The following SRPK2 variants were observed in gnomAD, a reference collection of about 807,000 sequenced individuals.
SRPK2 encodes the protein SFRS protein kinase 2.
Under a neutral mutation model 90.8 loss-of-function variants are expected in SRPK2, and 21 were observed. The ratio of observed to expected loss-of-function variants is 0.23; its 90% confidence interval spans 0.16 to 0.33. SRPK2 has a LOEUF of 0.33. Ranked by LOEUF, SRPK2 falls within the 10% of genes least tolerant of loss-of-function variation. The pLI is 1.00. For synonymous variants in SRPK2, 288 were observed against 311.1 expected, an observed-to-expected ratio of 0.93 and a Z score of 0.78; for missense variants, 620 against 869.0, an observed-to-expected ratio of 0.71 and a Z score of 3.60.
intron 2 of SRPK2, among the ~76,000 whole-genome samples, chr7:105,339,518 A>G (rs1177592969): frequency 6.6e-6 from 1 of 152,240 alleles, no homozygotes; most frequent in Non-Finnish European, 1.5e-5. Context: ...TGAGATATCC[A>G]GAAGAATTCA....
intron 2 of SRPK2, chr7:105,302,013 A>G (rs1450987777): frequency 9.4e-6 from 15 of 1,589,588 alleles, no homozygotes; most frequent in Middle Eastern, 4.5e-4. Context: ...CACAAAGGAG[A>G]ACTTCCTCGA....
At chr7:105,297,460 T>C (rs1056873295) in intron 2 of SRPK2, 1 of 985,428 alleles carries the variant, frequency 1.0e-6, no homozygotes, top group South Asian at 4.7e-5. Context: ...CACATTGGCT[T>C]TCCCTGATAT....
At chr7:105,254,784 T>A (rs778561793) in intron 2 of SRPK2, among the ~76,000 whole-genome samples, 10 of 151,988 alleles carry the variant, frequency 6.6e-5, no homozygotes, top group Non-Finnish European at 1.5e-4. Flanking sequence ...TTGCCTACTG[T>A]GTTCAAACAA....
intron 3 of SRPK2, among the ~76,000 whole-genome samples, chr7:105,179,319 A>G (rs1337713841): frequency 1.3e-5 from 2 of 152,208 alleles, no homozygotes; most frequent in East Asian, 3.8e-4. Context: ...ACCTGGGTAT[A>G]TATTATGTGC....
Position 105,187,342 on chromosome 7 carries a change from G to GTCACA in SRPK2, c.229+16281_229+16285dup, listed in dbSNP as rs528988384. ...TCTGCCTAGAAATATGCCCAGATAT[G>GTCACA]TCACACTAAAATAAATGCTTTTTCT... On this transcript the variant is annotated intron_variant, in intron 3 of 15. Coordinates refer to ENST00000393651, the MANE Select transcript of SRPK2 (RefSeq NM_182692.3). 3.3e-4 allele frequency among the ~76,000 whole-genome samples: 50 copies of GTCACA among 152,224 alleles called. No individual in the cohort carries two copies. In the South Asian group the frequency reaches 0.01, roughly 32 times the overall value.
chr7:105,335,012 T>C (rs983409855), intron 2 of SRPK2, among the ~76,000 whole-genome samples: 1 of 149,886 alleles, frequency 6.7e-6, no homozygotes, highest in Non-Finnish European at 1.5e-5. Flanking sequence ...CTACTACAAA[T>C]ACAAAAAAAT....
chr7:105,233,292 T>C (rs745533975), intron 2 of SRPK2, among the ~76,000 whole-genome samples: 2 of 152,166 alleles, frequency 1.3e-5, no homozygotes, highest in Non-Finnish European at 2.9e-5. Context: ...AGAATGCAGA[T>C]ACAATTCAAT....
chr7:105,177,933 G>A (rs1320384780), intron 3 of SRPK2, among the ~76,000 whole-genome samples: 1 of 151,730 alleles, frequency 6.6e-6, no homozygotes, highest in Admixed American at 6.6e-5. Flanking sequence ...GGAGGCTGAG[G>A]CAGGAGAACG....
intron 2 of SRPK2, among the ~76,000 whole-genome samples, chr7:105,386,209 G>A (rs1432802606): frequency 6.6e-6 from 1 of 151,890 alleles, no homozygotes; most frequent in Non-Finnish European, 1.5e-5. Flanking sequence ...AGCTACTCAG[G>A]AGGCTGAGGC....
chr7:105,220,935 G>C (rs1798021697), intron 2 of SRPK2, among the ~76,000 whole-genome samples: 1 of 151,846 alleles, frequency 6.6e-6, no homozygotes, highest in African/African-American at 2.4e-5. Context: ...ATAATTTTTT[G>C]GTACTGGAGG....
intron 2 of SRPK2, among the ~76,000 whole-genome samples, chr7:105,382,641 A>T (rs1003635845): frequency 6.6e-6 from 1 of 152,156 alleles, no homozygotes; most frequent in Non-Finnish European, 1.5e-5. Context: ...GCTGCATGAA[A>T]AAAGGCGAAT....
intron 3 of SRPK2, among the ~76,000 whole-genome samples, chr7:105,197,793 T>C (rs1276815664): frequency 6.6e-6 from 1 of 152,148 alleles, no homozygotes; most frequent in Non-Finnish European, 1.5e-5. Flanking sequence ...AAATGACATG[T>C]TTTCATACCA....
intron 2 of SRPK2, among the ~76,000 whole-genome samples, chr7:105,386,991 T>C (rs1387678347): frequency 6.6e-6 from 1 of 152,182 alleles, no homozygotes; most frequent in African/African-American, 2.4e-5. Flanking sequence ...AAATCCAAAC[T>C]GCGGCCCACC....
In SRPK2 at chr7:105,119,882, A is replaced by G. The variant is rs1584845041; in HGVS notation, c.1916-1860T>C. ...GTAATAGTAAAATGGTGGTTAAAAG[A>G]AAACCAAGGTAGATTCACTTAATAG... On this transcript the variant is annotated intron_variant, in intron 15 of 15. Transcript: ENST00000393651. Among the ~76,000 whole-genome samples, 6 of 152,362 alleles carry G rather than the reference A, an allele frequency of 3.9e-5. No individual in the cohort carries two copies. The South Asian group carries it at 8.3e-4, about 21-fold the overall frequency.
Position 105,203,700 on chromosome 7 carries a change from G to A in SRPK2, c.157C>T (p.Pro53Ser), listed in dbSNP as rs748330120. 2 of 1,597,180 alleles carry A rather than the reference G, an allele frequency of 1.3e-6. No individual in the cohort carries two copies. Among genetic ancestry groups the A allele is most frequent in the Non-Finnish European group, 8.5e-7 (1 of 1,172,550 alleles). Residue 53 changes from proline (P) to serine (S), a missense_variant, in exon 3 of 16, where the codon CCC (proline) becomes TCC (serine). Around this residue, in one of 8 missense-constraint regions of SRPK2, gnomAD observed 196 missense variants for 339.2 expected, o/e 0.58. Coordinates refer to ENST00000393651, the MANE Select transcript of SRPK2 (RefSeq NM_182692.3). ...PPPPPLPDPT[P>S]PEPEEEILGS... ...AGGATCTCCTCCTCTGGCTCCGGGG[G>A]TGTGGGGTCTGGCAAAGGTGGCGGT...
At chr7:105,148,299 G>C (rs1391025344) in intron 7 of SRPK2, among the ~76,000 whole-genome samples, 2 of 152,166 alleles carry the variant, frequency 1.3e-5, no homozygotes, top group African/African-American at 4.8e-5. Context: ...GATTTAAATA[G>C]AAAATAGCCT....
intron 2 of SRPK2, among the ~76,000 whole-genome samples, chr7:105,365,692 G>A (rs576694057): frequency 8.6e-5 from 13 of 151,434 alleles, no homozygotes; most frequent in African/African-American, 2.2e-4. Flanking sequence ...TCAGCTACTC[G>A]GGGGACTGAG....
intron 2 of SRPK2, among the ~76,000 whole-genome samples, chr7:105,313,834 C>T (rs1424069473): frequency 6.6e-6 from 1 of 151,896 alleles, no homozygotes; most frequent in Non-Finnish European, 1.5e-5. Context: ...AACTCCTTTT[C>T]TTATTTAAAA....
chr7:105,178,665 T>A (rs1159711989), intron 3 of SRPK2, among the ~76,000 whole-genome samples: 1 of 151,770 alleles, frequency 6.6e-6, no homozygotes, highest in Admixed American at 6.6e-5. Flanking sequence ...TTCCAAAATT[T>A]AAAAAATTTT....
Sources: allele counts gnomAD v4.1 joint callset (sites outside exome capture counted in the v4.1 genomes callset), GRCh38; gene constraint gnomAD v4.1.1; regional missense constraint gnomAD v4.1.1; transcripts MANE v1.5; gene names NCBI Gene and HGNC (gene_info 2026-07-23, HGNC 2026-07-21).